The following UNC5D variants were observed in gnomAD, a reference collection of about 807,000 sequenced individuals.
UNC5D encodes the protein unc-5 netrin receptor D.
A neutral mutation model predicts 105.4 loss-of-function variants in UNC5D; 39 were observed. The observed-to-expected ratio is 0.37, with a 90% CI of 0.29 to 0.48. UNC5D has a LOEUF of 0.48. UNC5D is among the 20% of genes least tolerant of loss of function. UNC5D has a pLI of 0.98. For synonymous variants in UNC5D, 452 were observed against 450.4 expected (o/e 1.00, Z -0.04); for missense variants, 991 against 1,202.4 (o/e 0.82, Z 2.60).
chr8:35,654,852 T>C (rs1302298626), intron 4 of UNC5D, among the ~76,000 whole-genome samples: 1 of 152,164 alleles, frequency 6.6e-6, no homozygotes, highest in Non-Finnish European at 1.5e-5. Flanking sequence ...TGATTTCAAG[T>C]AACTTGTATC....
rs540042715 is a variant in UNC5D at position 35,314,461 on chromosome 8, G to C, written c.103+78574G>C. 9.2e-5 allele frequency among the ~76,000 whole-genome samples: 14 copies of C among 152,188 alleles called. 1 individual carries two copies. The South Asian group carries it at 2.7e-3, about 29-fold the overall frequency. ...TAGAAAACATCCATATCATGTAAGA[G>C]ACACATTTTAGAGAGAAAGCTAATG... On this transcript the variant is annotated intron_variant, in intron 1 of 16. Transcript: ENST00000404895.
chr8:35,288,979 A>C (rs1291393111), intron 1 of UNC5D, among the ~76,000 whole-genome samples: 1 of 152,194 alleles, frequency 6.6e-6, no homozygotes, highest in East Asian at 1.9e-4. Flanking sequence ...ACAAATTACA[A>C]AAAGACAGTA....
intron 7 of UNC5D, among the ~76,000 whole-genome samples, chr8:35,703,495 G>A (rs1249155225): frequency 6.6e-6 from 1 of 152,164 alleles, no homozygotes; most frequent in Non-Finnish European, 1.5e-5. Context: ...GGGAAGTGCC[G>A]CACTCATGCC....
chr8:35,668,638 GC>G (rs1380270718), intron 4 of UNC5D, among the ~76,000 whole-genome samples: 1 of 152,006 alleles, frequency 6.6e-6, no homozygotes, highest in Non-Finnish European at 1.5e-5. Context: ...AGTTAGAGAT[GC>G]CACTTTATTT....
At chr8:35,579,819 G>A (rs1818353828) in intron 3 of UNC5D, among the ~76,000 whole-genome samples, 1 of 152,194 alleles carries the variant, frequency 6.6e-6, no homozygotes, top group Non-Finnish European at 1.5e-5. Context: ...GCAAGGCAGT[G>A]ATGCTATCAT....
At chr8:35,474,923 A>G (rs1275545441) in intron 1 of UNC5D, among the ~76,000 whole-genome samples, 1 of 152,188 alleles carries the variant, frequency 6.6e-6, no homozygotes, top group Non-Finnish European at 1.5e-5. Flanking sequence ...GGGCATTGGT[A>G]ATCTGAGTGT....
At chr8:35,665,491 G>T (rs1234854568) in intron 4 of UNC5D, among the ~76,000 whole-genome samples, 1 of 152,044 alleles carries the variant, frequency 6.6e-6, no homozygotes, top group African/African-American at 2.4e-5. Context: ...ATGGGTTTTG[G>T]AAATCTGCTA....
intron 1 of UNC5D, among the ~76,000 whole-genome samples, chr8:35,421,195 GGAGT>G (rs1442920519): frequency 2.0e-5 from 3 of 152,210 alleles, no homozygotes; most frequent in Admixed American, 6.5e-5. Flanking sequence ...GAACACAGTA[GGAGT>G]AAGTAAGGGA....
At chr8:35,787,703 G>C (rs2131803603) in intron 16 of UNC5D, among the ~76,000 whole-genome samples, 1 of 152,200 alleles carries the variant, frequency 6.6e-6, no homozygotes, top group East Asian at 1.9e-4. Flanking sequence ...CTGCAGCTTT[G>C]AACTCCTGGG....
At chr8:35,734,433 A>G (rs138534700) in intron 11 of UNC5D, among the ~76,000 whole-genome samples, 3,842 of 151,390 alleles carry the variant, frequency 0.025, 67 homozygotes, top group Non-Finnish European at 0.039. Context: ...TTCTTGAGAC[A>G]GAGTTTTGCT....
chr8:35,673,421 A>G (rs1033764193), intron 4 of UNC5D, among the ~76,000 whole-genome samples: 2 of 152,214 alleles, frequency 1.3e-5, no homozygotes, highest in African/African-American at 2.4e-5. Flanking sequence ...GGCAAATATT[A>G]AAGAGTAGCC....
chr8:35,334,344 C>CT, intron 1 of UNC5D, among the ~76,000 whole-genome samples: 1 of 152,124 alleles, frequency 6.6e-6, no homozygotes, highest in East Asian at 1.9e-4. Flanking sequence ...TCAATTGGCC[C>CT]TTTATATCTT....
At position 35,694,243 on chromosome 8, in the gene UNC5D, T is replaced by A. The variant is rs972522577; in HGVS notation, c.1084+7534T>A. On this transcript the variant is annotated intron_variant, in intron 7 of 16. Coordinates refer to ENST00000404895, the MANE Select transcript of UNC5D (RefSeq NM_080872.4). ...TGGGGACTGTTGGAAGGTACAGAGGTTGAGCTTCAGTGAGGCTGGCCTAGG... is the reference window on the plus strand; with the variant it reads ...TGGGGACTGTTGGAAGGTACAGAGGATGAGCTTCAGTGAGGCTGGCCTAGG... Among the ~76,000 whole-genome samples the A allele has an allele frequency of 4.0e-5, 6 of 151,866 alleles. No individual in the cohort carries two copies. The East Asian group carries it at 1.2e-3, about 29-fold the overall frequency.
rs114140450 is a variant in UNC5D, at chr8:35,236,012, A to C, written c.103+125A>C. The C allele has an allele frequency of 5.8e-3, 4,995 of 862,102 alleles. 192 individuals carry two copies. In the African/African-American group the frequency reaches 0.081, roughly 14 times the overall value. 53.4% of individuals were successfully genotyped at this position (862,102 alleles called of 1,614,324 possible). ...CCCTGCACCTCGGCGCTCCAAGCCC[A>C]ACCGGATGGGAGCCGAGTGGAGGAC... On this transcript the variant is annotated intron_variant, in intron 1 of 16. Coordinates refer to ENST00000404895, the MANE Select transcript of UNC5D (RefSeq NM_080872.4).
intron 1 of UNC5D, among the ~76,000 whole-genome samples, chr8:35,397,703 T>A (rs928404711): frequency 1.3e-5 from 2 of 152,184 alleles, no homozygotes; most frequent in Admixed American, 1.3e-4. Flanking sequence ...TCTCTCCTCT[T>A]CTGCCTCCTG....
chr8:35,691,545 T>A (rs1467781164), intron 7 of UNC5D, among the ~76,000 whole-genome samples: 1 of 152,186 alleles, frequency 6.6e-6, no homozygotes, highest in East Asian at 1.9e-4. Flanking sequence ...TTAGGAATTT[T>A]GGGGCAATAA....
At chr8:35,397,695 TCTC>T (rs1342409971) in intron 1 of UNC5D, among the ~76,000 whole-genome samples, 3 of 152,216 alleles carry the variant, frequency 2.0e-5, no homozygotes, top group African/African-American at 7.2e-5. Flanking sequence ...TCATTTGTTC[TCTC>T]CTCTTCTGCC....
At chr8:35,448,543 A>C (rs915017543) in intron 1 of UNC5D, among the ~76,000 whole-genome samples, 2 of 152,068 alleles carry the variant, frequency 1.3e-5, no homozygotes, top group Non-Finnish European at 1.5e-5. Context: ...TAGATATTCA[A>C]ATTCTTGACC....
chr8:35,763,174 CTCAAG>C (rs1801619292), intron 14 of UNC5D, among the ~76,000 whole-genome samples: 1 of 151,436 alleles, frequency 6.6e-6, no homozygotes, highest in Admixed American at 6.6e-5. Flanking sequence ...GCAGCTGCTA[CTCAAG>C]TCAACAATAA....
Sources: gnomAD v4.1 joint callset for allele counts (sites outside exome capture counted in the v4.1 genomes callset) on GRCh38, gnomAD v4.1.1 for gene constraint, MANE v1.5 for transcripts, NCBI Gene and HGNC (gene_info 2026-07-23, HGNC 2026-07-21) for gene names.